Variants in EPHA3 observed in about 807,000 individuals in gnomAD.
EPHA3 encodes EPH receptor A3, also known as ephrin type-A receptor 3.
In EPHA3, 42 loss-of-function variants were observed where a neutral mutation model predicts 107.1. The observed-to-expected ratio is 0.39, with a 90% CI of 0.31 to 0.51. The LOEUF is 0.51. Among genes scored for constraint, EPHA3 ranks in the 20% least tolerant of loss-of-function variants. EPHA3 has a pLI of 0.78. For synonymous variants in EPHA3, 461 were observed against 424.8 expected (o/e 1.09, Z -1.05); for missense variants, 1,183 against 1,211.2 (o/e 0.98, Z 0.35).
At chr3:89,357,845 T>A (rs1335668053) in intron 5 of EPHA3, among the ~76,000 whole-genome samples, 1 of 151,280 alleles carries the variant, frequency 6.6e-6, no homozygotes, top group African/African-American at 2.4e-5. Flanking sequence ...GACATTTTTA[T>A]ATCTGAAAAG....
chr3:89,396,055 T>C lies in EPHA3; in HGVS notation c.1431+94T>C, dbSNP rs905308993. ...GCAAAGAAACCAGTGACATTCCTGGTAAATGGTAGAGCACTGTTTAGAACT... is the reference window on the plus strand; with the variant it reads ...GCAAAGAAACCAGTGACATTCCTGGCAAATGGTAGAGCACTGTTTAGAACT... On this transcript the variant is annotated intron_variant, in intron 6 of 16. Coordinates refer to ENST00000336596, the MANE Select transcript of EPHA3 (RefSeq NM_005233.6). 22 of 1,528,308 alleles carry C rather than the reference T, an allele frequency of 1.4e-5. No individual in the cohort carries two copies. In the African/African-American group the frequency reaches 2.2e-4, roughly 15 times the overall value. The allele number at this position is 1,528,308 out of a possible 1,614,324, so 94.7% of individuals were successfully genotyped here.
At chr3:89,398,750 A>G (rs1254153097) in intron 6 of EPHA3, among the ~76,000 whole-genome samples, 2 of 152,240 alleles carry the variant, frequency 1.3e-5, no homozygotes, top group African/African-American at 4.8e-5. Flanking sequence ...TGGTTAGAAT[A>G]AAGCCAAATT....
At chr3:89,241,477 T>C (rs1704894458) in intron 3 of EPHA3, among the ~76,000 whole-genome samples, 1 of 151,634 alleles carries the variant, frequency 6.6e-6, no homozygotes, top group Non-Finnish European at 1.5e-5. Flanking sequence ...ACGCCAATAA[T>C]GATAACATTT....
intron 11 of EPHA3, among the ~76,000 whole-genome samples, chr3:89,427,469 T>A (rs1709482391): frequency 6.6e-6 from 1 of 151,922 alleles, no homozygotes; most frequent in Non-Finnish European, 1.5e-5. Context: ...TGTACATTAA[T>A]GTTTGTTTAA....
intron 2 of EPHA3, among the ~76,000 whole-genome samples, chr3:89,203,155 G>A (rs753843394): frequency 6.6e-6 from 1 of 151,968 alleles, no homozygotes; most frequent in African/African-American, 2.4e-5. Flanking sequence ...GAGTGCAGAC[G>A]TTAAAAGTCC....
intron 2 of EPHA3, among the ~76,000 whole-genome samples, chr3:89,153,379 A>T (rs1329053186): frequency 2.0e-5 from 3 of 152,016 alleles, no homozygotes; most frequent in Non-Finnish European, 4.4e-5. Context: ...CATATATCCA[A>T]CTTCCTTATT....
chr3:89,412,648 G>A (rs1210143279), intron 9 of EPHA3, among the ~76,000 whole-genome samples: 1 of 151,656 alleles, frequency 6.6e-6, no homozygotes, highest in African/African-American at 2.4e-5. Flanking sequence ...CAGAAGGTAT[G>A]CCATTATATA....
intron 5 of EPHA3, among the ~76,000 whole-genome samples, chr3:89,384,119 T>C (rs1409267641): frequency 2.6e-5 from 4 of 152,158 alleles, no homozygotes; most frequent in Admixed American, 2.0e-4. Flanking sequence ...ACTAAAAAGT[T>C]GTATAAGATA....
intron 1 of EPHA3, among the ~76,000 whole-genome samples, chr3:89,114,155 G>T (rs1707192772): frequency 6.6e-6 from 1 of 152,164 alleles, no homozygotes; most frequent in African/African-American, 2.4e-5. Flanking sequence ...CCATGGACAG[G>T]AGTAGCCACA....
At chr3:89,162,736 A>G (rs1704978874) in intron 2 of EPHA3, among the ~76,000 whole-genome samples, 1 of 152,182 alleles carries the variant, frequency 6.6e-6, no homozygotes, top group Non-Finnish European at 1.5e-5. Context: ...GCTGGAACTG[A>G]GAGGGGCTTT....
chr3:89,387,784 A>G (rs1282675034), intron 5 of EPHA3, among the ~76,000 whole-genome samples: 3 of 152,208 alleles, frequency 2.0e-5, no homozygotes, highest in African/African-American at 7.2e-5. Flanking sequence ...ATAAATGACT[A>G]TGAAATGCAT....
At chr3:89,158,478 C>G (rs1311826108) in intron 2 of EPHA3, among the ~76,000 whole-genome samples, 1 of 151,918 alleles carries the variant, frequency 6.6e-6, no homozygotes, top group Non-Finnish European at 1.5e-5. Flanking sequence ...TTAGTCTGGT[C>G]AAGAATTCCT....
chr3:89,414,513 A>T (rs1295203838), intron 10 of EPHA3, among the ~76,000 whole-genome samples: 2 of 151,636 alleles, frequency 1.3e-5, no homozygotes, highest in East Asian at 3.9e-4. Flanking sequence ...GAACAGCTCC[A>T]TGATGCAGAA....
chr3:89,222,463 G>T (rs1474223998), intron 3 of EPHA3, among the ~76,000 whole-genome samples: 1 of 147,480 alleles, frequency 6.8e-6, no homozygotes, highest in Non-Finnish European at 1.5e-5. Context: ...GTGTGTATAT[G>T]TATATAGACA....
intron 5 of EPHA3, among the ~76,000 whole-genome samples, chr3:89,355,536 T>G (rs1282600779): frequency 6.6e-6 from 1 of 151,220 alleles, no homozygotes; most frequent in Non-Finnish European, 1.5e-5. Context: ...ATTTTTTGTA[T>G]TTTTAAATTT....
In EPHA3 at chr3:89,178,390, C is replaced by A. The variant is rs779736461; in HGVS notation, c.154-31470C>A. Among the ~76,000 whole-genome samples the A allele has an allele frequency of 3.3e-5, 5 of 151,904 alleles. No individual in the cohort carries two copies. In the South Asian group the frequency reaches 8.3e-4, roughly 25 times the overall value. ...GGTATAAAGAAATGCTGTTAGCATA[C>A]GTATAATTACACATACATTATTGTT... On this transcript the variant is annotated intron_variant, in intron 2 of 16. Coordinates refer to ENST00000336596, the MANE Select transcript of EPHA3 (RefSeq NM_005233.6).
intron 15 of EPHA3, among the ~76,000 whole-genome samples, chr3:89,470,143 A>G (rs1384724366): frequency 6.6e-6 from 1 of 152,018 alleles, no homozygotes; most frequent in African/African-American, 2.4e-5. Context: ...GCAGAATAGC[A>G]CTTCTGTTTT....
At chr3:89,222,648 T>C (rs1233878015) in intron 3 of EPHA3, among the ~76,000 whole-genome samples, 3 of 151,918 alleles carry the variant, frequency 2.0e-5, no homozygotes, top group Non-Finnish European at 2.9e-5. Flanking sequence ...TTAAATTCTT[T>C]GTTTCTAAAA....
chr3:89,155,687 G>T (rs1266313931), intron 2 of EPHA3, among the ~76,000 whole-genome samples: 1 of 151,980 alleles, frequency 6.6e-6, no homozygotes, highest in African/African-American at 2.4e-5. Context: ...TTACAATTAC[G>T]TTTTAATAAT....
Sources: allele counts gnomAD v4.1 joint callset (sites outside exome capture counted in the v4.1 genomes callset), GRCh38; gene constraint gnomAD v4.1.1; transcripts MANE v1.5; gene names NCBI Gene and HGNC (gene_info 2026-07-23, HGNC 2026-07-21).